HOXC4: variants seen among roughly 807,000 people sequenced by gnomAD.
The protein encoded by HOXC4 is homeobox protein Hox-C4.
In HOXC4, 15 loss-of-function variants were observed where a neutral mutation model predicts 25.5. That is an observed-to-expected ratio of 0.59 (90% CI 0.39 to 0.91). The LOEUF is 0.91. Among genes scored for constraint, HOXC4 ranks in the 40% least tolerant of loss-of-function variants. The pLI, the probability that HOXC4 is intolerant of heterozygous loss-of-function variation, is 0.00. For synonymous variants in HOXC4, 165 were observed against 148.0 expected, an observed-to-expected ratio of 1.11 and a Z score of -0.83; for missense variants, 342 against 352.4, an observed-to-expected ratio of 0.97 and a Z score of 0.24.
upstream of HOXC4, among the ~76,000 whole-genome samples, chr12:54,052,070 CAGGCT>C (rs1270699078): frequency 6.6e-6 from 1 of 152,122 alleles, no homozygotes; most frequent in Admixed American, 6.5e-5. Flanking sequence ...AAGTGTCAAC[CAGGCT>C]GGGCTGGGAG....
At chr12:54,053,272 G>A (rs998990648), upstream of HOXC4, 7 of 152,584 alleles carry the variant, frequency 4.6e-5, no homozygotes, top group Non-Finnish European at 8.8e-5. Flanking sequence ...TGGCCAGAGG[G>A]TTGGGTGAGT....
At chr12:54,051,638 C>T (rs576583838), upstream of HOXC4, among the ~76,000 whole-genome samples, 1 of 152,336 alleles carries the variant, frequency 6.6e-6, no homozygotes, top group African/African-American at 2.4e-5. Context: ...TGTTCCTTCA[C>T]CTGGCCTGGT....
chr12:54,033,920 G>A (rs1375549105), intron 1 of HOXC4: 6 of 392,018 alleles, frequency 1.5e-5, no homozygotes, highest in African/African-American at 1.3e-4. Flanking sequence ...CGGCTCCGCC[G>A]GCGCTTGCGG....
At chr12:54,029,874 CG>C (rs765056816) in intron 1 of HOXC4, 1 of 1,612,486 alleles carries the variant, frequency 6.2e-7, no homozygotes. Flanking sequence ...TCCACTCTCT[CG>C]GGGGGCGGCG....
At chr12:54,032,156 CCACACA>C (rs905533367) in intron 1 of HOXC4, among the ~76,000 whole-genome samples, 1 of 152,182 alleles carries the variant, frequency 6.6e-6, no homozygotes, top group Non-Finnish European at 1.5e-5. Flanking sequence ...CTGTCCGTGT[CCACACA>C]CACACTTGAA....
chr12:54,043,191 C>T (rs1941302638), intron 1 of HOXC4, among the ~76,000 whole-genome samples: 1 of 152,216 alleles, frequency 6.6e-6, no homozygotes, highest in African/African-American at 2.4e-5. Context: ...CGGTCCACTG[C>T]TCCAGGCATG....
At chr12:54,035,273 CCCATTGCTGTTGT>C (rs1460258896) in intron 1 of HOXC4, 3 of 152,748 alleles carry the variant, frequency 2.0e-5, no homozygotes, top group African/African-American at 7.2e-5. Context: ...GCCCTCCTGA[CCCATTGCTGTTGT>C]CCAACTATTT....
chr12:54,055,191 A>C lies in HOXC4; in HGVS notation c.781A>C (p.Ile261Leu), dbSNP rs748759843. The change falls in exon 2 of 2, where the codon ATT becomes CTT. Residue 261 changes from isoleucine to leucine, a missense_variant. Coordinates refer to ENST00000430889, the MANE Select transcript of HOXC4 (RefSeq NM_153633.3). ...TPPEQQRAED[I>L]TRL ...GCCGGAGCAGCAACGGGCAGAGGAC[A>C]TTACCAGGTTATAAAACATAACTCA... 6.3e-7 allele frequency: 1 copy of C among 1,597,530 alleles called. No individual in the cohort carries two copies. Among genetic ancestry groups the C allele is most frequent in the East Asian group, 2.2e-5 (1 of 44,516 alleles).
intron 1 of HOXC4, among the ~76,000 whole-genome samples, chr12:54,040,389 C>G (rs950243311): frequency 5.3e-5 from 8 of 152,208 alleles, no homozygotes; most frequent in African/African-American, 1.9e-4. Context: ...TCCCTCCCTC[C>G]CTTCCCACCA....
intron 1 of HOXC4, among the ~76,000 whole-genome samples, chr12:54,023,031 G>A (rs1454654344): frequency 6.6e-6 from 1 of 152,164 alleles, no homozygotes; most frequent in Non-Finnish European, 1.5e-5. Context: ...CCTGGGCCAA[G>A]CAGGGCCACT....
chr12:54,030,035 C>G, intron 1 of HOXC4: 1 of 1,313,770 alleles, frequency 7.6e-7, no homozygotes, highest in Non-Finnish European at 1.0e-6. Flanking sequence ...ATCACACACT[C>G]TGTATTTATC....
chr12:54,042,478 G>T (rs1941291376), intron 1 of HOXC4, among the ~76,000 whole-genome samples: 1 of 152,190 alleles, frequency 6.6e-6, no homozygotes, highest in South Asian at 2.1e-4. Context: ...GAGATTTTGT[G>T]AGTGCCTCGA....
intron 1 of HOXC4, among the ~76,000 whole-genome samples, chr12:54,024,994 T>A: frequency 6.6e-6 from 1 of 152,212 alleles, no homozygotes; most frequent in East Asian, 1.9e-4. Flanking sequence ...TAATTAAAGC[T>A]TCTCTGAAAG....
At chr12:54,018,312 G>T (rs976354592) in intron 1 of HOXC4, among the ~76,000 whole-genome samples, 4 of 151,396 alleles carry the variant, frequency 2.6e-5, no homozygotes, top group African/African-American at 9.7e-5. Context: ...CGCTCGCCAC[G>T]CATGGCTGCT....
chr12:54,017,003 AT>A (rs2136410574), exon 1 of HOXC4: 1 of 141,834 alleles, frequency 7.1e-6, no homozygotes, highest in African/African-American at 2.6e-5. Flanking sequence ...TTTTTCCCCC[AT>A]TTAATTTTTT....
chr12:54,053,278 T>C (rs1592249487), upstream of HOXC4: 1 of 152,304 alleles, frequency 6.6e-6, no homozygotes, highest in Non-Finnish European at 1.5e-5. Flanking sequence ...GAGGGTTGGG[T>C]GAGTGTGTAT....
intron 1 of HOXC4, chr12:54,030,143 C>A: frequency 1.7e-6 from 1 of 586,474 alleles, no homozygotes; most frequent in Non-Finnish European, 2.9e-6. Flanking sequence ...CACCGCACAA[C>A]TCTCTTTCAC....
At chr12:54,053,518 C>T (rs946981239), upstream of HOXC4, 5 of 190,048 alleles carry the variant, frequency 2.6e-5, no homozygotes, top group Non-Finnish European at 5.4e-5. Flanking sequence ...CGGGGCCCAG[C>T]AGAGGCCTGA....
chr12:54,052,289 C>G (rs893881655), upstream of HOXC4, among the ~76,000 whole-genome samples: 2 of 152,220 alleles, frequency 1.3e-5, no homozygotes, highest in African/African-American at 4.8e-5. Flanking sequence ...TTTTACAGCC[C>G]TATAAAAGCT....
Sources: gnomAD v4.1 joint callset for allele counts (sites outside exome capture counted in the v4.1 genomes callset) on GRCh38, gnomAD v4.1.1 for gene constraint, MANE v1.5 for transcripts, NCBI Gene and HGNC (gene_info 2026-07-23, HGNC 2026-07-21) for gene names.